PARD3B: variants seen among roughly 807,000 people sequenced by gnomAD.
PARD3B encodes the protein par-3 family cell polarity regulator beta, also known as partitioning defective 3 homolog B.
In PARD3B, 103 loss-of-function variants were observed where a neutral mutation model predicts 130.2. The observed-to-expected ratio is 0.79, with a 90% confidence interval of 0.67 to 0.93. PARD3B has a LOEUF of 0.93. Ranked by LOEUF, PARD3B falls within the 40% of genes least tolerant of loss-of-function variation. PARD3B has a pLI of 0.00. For missense variants in PARD3B, 1,609 were observed against 1,499.2 expected (o/e 1.07, Z -1.21); for synonymous variants, 583 against 553.2 (o/e 1.05, Z -0.76).
chr2:205,370,294 C>G (rs532945994), intron 18 of PARD3B, among the ~76,000 whole-genome samples: 301 of 152,100 alleles, frequency 2.0e-3, no homozygotes, highest in African/African-American at 7.0e-3. Flanking sequence ...TAAATGAAAC[C>G]CCTCATCTAC....
intron 2 of PARD3B, among the ~76,000 whole-genome samples, chr2:204,840,790 A>C (rs2044232236): frequency 6.6e-6 from 1 of 150,404 alleles, no homozygotes; most frequent in African/African-American, 2.5e-5. Flanking sequence ...TTTGAAAGAA[A>C]GAACACTTTC....
At position 205,446,774 on chromosome 2, in the gene PARD3B, T is replaced by C. The variant is rs186693538; in HGVS notation, c.3044+6102T>C. On this transcript the variant is annotated intron_variant, in intron 20 of 22. Transcript: ENST00000406610. This position sits in a 1 kb window ranked among gnomAD's most constrained non-coding sequence, Gnocchi z 4.4. ...GGATTTGAACGTAGCATGGGTTAAA[T>C]CCTGCCCTCAAAGCCTGACAATTAC... 3.9e-5 allele frequency among the ~76,000 whole-genome samples: 6 copies of C among 152,346 alleles called. No homozygotes were observed. Among genetic ancestry groups the C allele is most frequent in the Admixed American group, 1.3e-4 (2 of 15,302 alleles).
At chr2:205,547,260 A>C (rs1302266282) in intron 21 of PARD3B, among the ~76,000 whole-genome samples, 2 of 152,140 alleles carry the variant, frequency 1.3e-5, no homozygotes, top group African/African-American at 4.8e-5. Context: ...AAAACTAGAA[A>C]GGTTTTCAGC....
intron 18 of PARD3B, among the ~76,000 whole-genome samples, chr2:205,360,405 AGGATCTTAAGAAATCTTTTT>A (rs1292934938): frequency 9.3e-5 from 14 of 150,506 alleles, no homozygotes; most frequent in African/African-American, 2.7e-4. Flanking sequence ...TTGGGCTTTT[AGGATCTTAAGAAATCTTTTT>A]CCGCCTCTAT....
intron 20 of PARD3B, among the ~76,000 whole-genome samples, chr2:205,468,824 C>T (rs994906923): frequency 2.0e-5 from 3 of 152,214 alleles, no homozygotes; most frequent in African/African-American, 2.4e-5. Flanking sequence ...TTTCCTTTAA[C>T]AAATGCCTCT....
At chr2:205,361,342 C>A (rs970318328) in intron 18 of PARD3B, among the ~76,000 whole-genome samples, 2 of 152,134 alleles carry the variant, frequency 1.3e-5, no homozygotes, top group Non-Finnish European at 2.9e-5. Context: ...TCTGGAATCA[C>A]CCCATAGTAG....
intron 15 of PARD3B, among the ~76,000 whole-genome samples, chr2:205,214,139 G>A (rs751666966): frequency 3.3e-5 from 5 of 151,958 alleles, no homozygotes; most frequent in South Asian, 2.1e-4. Context: ...TTATTTTAAT[G>A]TATAAGATGT....
chr2:205,171,888 G>A (rs538725010), intron 11 of PARD3B, among the ~76,000 whole-genome samples: 39 of 152,224 alleles, frequency 2.6e-4, no homozygotes, highest in South Asian at 2.3e-3. Context: ...CATGGTCTCC[G>A]CCAGAGCAAA....
chr2:205,106,182 T>A (rs1174159041), intron 5 of PARD3B, among the ~76,000 whole-genome samples: 1 of 152,052 alleles, frequency 6.6e-6, no homozygotes, highest in Non-Finnish European at 1.5e-5. Context: ...AGTTTTGCTC[T>A]TGTTACCCAG....
chr2:205,542,872 A>G (rs1314998932), intron 21 of PARD3B, among the ~76,000 whole-genome samples: 6 of 152,236 alleles, frequency 3.9e-5, no homozygotes, highest in African/African-American at 1.4e-4. Flanking sequence ...GAATATGAAA[A>G]GCCAGGACTG....
rs965077337 is a variant in PARD3B, at chr2:205,242,798, A to AT, written c.2141-2972dup. ...GGAACTGTGCAAAGTGCTTTTGTAC[A>AT]TTTTTTTTCATTTAGTTCCAACTCT... On this transcript the variant is annotated intron_variant, in intron 15 of 22. Transcript: ENST00000406610. 2.5e-4 allele frequency among the ~76,000 whole-genome samples: 38 copies of AT among 151,762 alleles called. 1 individual carries two copies. Among genetic ancestry groups the AT allele is most frequent in the African/African-American group, 7.0e-4 (29 of 41,300 alleles).
At chr2:205,371,057 A>G (rs948243337) in intron 18 of PARD3B, among the ~76,000 whole-genome samples, 2 of 152,180 alleles carry the variant, frequency 1.3e-5, no homozygotes, top group African/African-American at 2.4e-5. Flanking sequence ...TCTCCCACCA[A>G]TATCAAATGC....
intron 18 of PARD3B, among the ~76,000 whole-genome samples, chr2:205,332,099 G>C (rs955245664): frequency 1.5e-4 from 23 of 151,666 alleles, no homozygotes; most frequent in African/African-American, 5.3e-4. Flanking sequence ...TGCCAGACTC[G>C]GTCTCAAAAA....
At chr2:205,101,518 A>G (rs1413913547) in intron 4 of PARD3B, among the ~76,000 whole-genome samples, 1 of 152,202 alleles carries the variant, frequency 6.6e-6, no homozygotes, top group East Asian at 1.9e-4. Flanking sequence ...ATGAGCAACA[A>G]TTCCACTCCA....
chr2:205,172,151 G>A (rs566018750), intron 11 of PARD3B, 60 bp from the exon 12 acceptor site: 18 of 1,476,588 alleles, frequency 1.2e-5, no homozygotes, highest in African/African-American at 8.5e-5. Context: ...TCCCCAAAAC[G>A]CCACATGTCA....
intron 4 of PARD3B, among the ~76,000 whole-genome samples, chr2:205,052,419 G>GTATA (rs869192541): frequency 3.3e-4 from 13 of 39,764 alleles, no homozygotes; most frequent in African/African-American, 1.1e-3. Flanking sequence ...ATATATATAT[G>GTATA]TATATATATA....
chr2:204,735,531 AAAAC>A (rs1445257454), intron 2 of PARD3B, among the ~76,000 whole-genome samples: 1 of 152,202 alleles, frequency 6.6e-6, no homozygotes, highest in African/African-American at 2.4e-5. Context: ...AGTTATGTCA[AAAAC>A]AAACAATAAG....
intron 20 of PARD3B, among the ~76,000 whole-genome samples, chr2:205,499,424 C>A (rs1297550841): frequency 6.6e-6 from 1 of 152,094 alleles, no homozygotes; most frequent in Non-Finnish European, 1.5e-5. Context: ...CATCCCCAAC[C>A]CCCACTCCCA....
chr2:205,454,573 C>T (rs1053824059), intron 20 of PARD3B, among the ~76,000 whole-genome samples: 1 of 152,108 alleles, frequency 6.6e-6, no homozygotes, highest in Non-Finnish European at 1.5e-5. Context: ...CCTGAGCAAG[C>T]ACTCTGGATT....
Sources: gnomAD v4.1 joint callset for allele counts (sites outside exome capture counted in the v4.1 genomes callset) on GRCh38, gnomAD v4.1.1 for gene constraint, Gnocchi (gnomAD v3.1) non-coding constraint, MANE v1.5 for transcripts, NCBI Gene and HGNC (gene_info 2026-07-23, HGNC 2026-07-21) for gene names.